The following HS3ST4 variants were observed in gnomAD, a reference collection of about 807,000 sequenced individuals.
HS3ST4 encodes heparan sulfate glucosamine 3-O-sulfotransferase 4.
A neutral mutation model predicts 29.2 loss-of-function variants in HS3ST4; 17 were observed. The ratio of observed to expected loss-of-function variants is 0.58; its 90% CI spans 0.40 to 0.87. HS3ST4 has a LOEUF of 0.87. HS3ST4 is among the 40% of genes least tolerant of loss of function. The pLI is 0.00. For synonymous variants in HS3ST4, 314 were observed against 285.7 expected, an observed-to-expected ratio of 1.10 and a Z score of -1.00; for missense variants, 627 against 634.5, an observed-to-expected ratio of 0.99 and a Z score of 0.13.
chr16:26,121,855 C>G (rs1223872097), intron 1 of HS3ST4, among the ~76,000 whole-genome samples: 1 of 152,210 alleles, frequency 6.6e-6, no homozygotes, highest in Non-Finnish European at 1.5e-5. Context: ...CAGAGGGGCA[C>G]TCTTTGAGTG....
chr16:26,018,878 T>G (rs576817190), intron 1 of HS3ST4, among the ~76,000 whole-genome samples: 7 of 151,842 alleles, frequency 4.6e-5, no homozygotes, highest in African/African-American at 1.7e-4. Flanking sequence ...ACAAACTGGC[T>G]GAAGCTAAGT....
intron 1 of HS3ST4, among the ~76,000 whole-genome samples, chr16:26,073,893 TACCA>T (rs1898630014): frequency 6.6e-6 from 1 of 152,216 alleles, no homozygotes; most frequent in Non-Finnish European, 1.5e-5. Flanking sequence ...CCTCTCGGGT[TACCA>T]CAGGACTGAA....
intron 1 of HS3ST4, among the ~76,000 whole-genome samples, chr16:25,933,053 G>T (rs1968481719): frequency 1.3e-5 from 2 of 152,090 alleles, no homozygotes; most frequent in South Asian, 4.2e-4. Context: ...TTTTGCCAGA[G>T]AGACTTGGGG....
intron 1 of HS3ST4, among the ~76,000 whole-genome samples, chr16:25,773,924 T>C (rs1043509778): frequency 6.6e-6 from 1 of 152,098 alleles, no homozygotes; most frequent in African/African-American, 2.4e-5. Context: ...CCTAAACCCT[T>C]GATGAATCTG....
intron 1 of HS3ST4, among the ~76,000 whole-genome samples, chr16:25,838,164 T>C (rs1291635022): frequency 6.6e-6 from 1 of 152,236 alleles, no homozygotes; most frequent in East Asian, 1.9e-4. Context: ...TAGAGAAATA[T>C]GCTGGAATCG....
At chr16:25,928,224 G>A (rs1258254549) in intron 1 of HS3ST4, among the ~76,000 whole-genome samples, 1 of 151,264 alleles carries the variant, frequency 6.6e-6, no homozygotes, top group Non-Finnish European at 1.5e-5. Flanking sequence ...ATTTAGCCAG[G>A]CATTGTGGCC....
chr16:25,888,791 A>G (rs761752686), intron 1 of HS3ST4, among the ~76,000 whole-genome samples: 11 of 152,238 alleles, frequency 7.2e-5, no homozygotes, highest in Non-Finnish European at 1.0e-4. Context: ...CACAACAACA[A>G]CAAAACAACA....
At chr16:25,808,273 G>A (rs1967007886) in intron 1 of HS3ST4, among the ~76,000 whole-genome samples, 1 of 152,128 alleles carries the variant, frequency 6.6e-6, no homozygotes, top group Non-Finnish European at 1.5e-5. Context: ...TTACATTTAA[G>A]TGCACAATCC....
chr16:25,778,732 AAGG>A (rs1966849964), intron 1 of HS3ST4, among the ~76,000 whole-genome samples: 1 of 151,660 alleles, frequency 6.6e-6, no homozygotes, highest in South Asian at 2.2e-4. Flanking sequence ...GAAGGAGGAG[AAGG>A]AGAAGGAGGA....
At chr16:25,882,232 C>T (rs1355576794) in intron 1 of HS3ST4, among the ~76,000 whole-genome samples, 1 of 152,192 alleles carries the variant, frequency 6.6e-6, no homozygotes, top group Non-Finnish European at 1.5e-5. Context: ...GAAGCCTCCT[C>T]CAGCCCTTCT....
chr16:25,746,461 A>C (rs1851763559), intron 1 of HS3ST4, among the ~76,000 whole-genome samples: 1 of 152,164 alleles, frequency 6.6e-6, no homozygotes, highest in Non-Finnish European at 1.5e-5. Flanking sequence ...AGAGGAAGAA[A>C]GAGTTACAAG....
chr16:25,729,669 C>T (rs1022047925), intron 1 of HS3ST4, among the ~76,000 whole-genome samples: 3 of 152,200 alleles, frequency 2.0e-5, no homozygotes, highest in African/African-American at 7.2e-5. Flanking sequence ...GACTTCTTTT[C>T]CCTGAGTTAT....
chr16:25,904,147 G>GATGA (rs1968154074), intron 1 of HS3ST4, among the ~76,000 whole-genome samples: 3 of 91,976 alleles, frequency 3.3e-5, no homozygotes, highest in African/African-American at 5.2e-5. Context: ...TGGATGGATG[G>GATGA]ATGGATGAAT....
intron 1 of HS3ST4, among the ~76,000 whole-genome samples, chr16:25,946,947 C>T (rs1472103029): frequency 6.6e-6 from 1 of 152,066 alleles, no homozygotes; most frequent in African/African-American, 2.4e-5. Flanking sequence ...AGCATAACAC[C>T]CAATGTCCCA....
intron 1 of HS3ST4, among the ~76,000 whole-genome samples, chr16:26,054,348 C>T (rs1898382682): frequency 6.6e-6 from 1 of 150,832 alleles, no homozygotes; most frequent in Admixed American, 6.6e-5. Context: ...AAGAAGAATG[C>T]ATTAAGATTC....
At chr16:25,856,648 TA>T (rs759951952) in intron 1 of HS3ST4, among the ~76,000 whole-genome samples, 1 of 152,018 alleles carries the variant, frequency 6.6e-6, no homozygotes, top group Admixed American at 6.6e-5. Context: ...GATAATGAGC[TA>T]AAAAAAATCA....
At chr16:25,769,603 C>G (rs1261937492) in intron 1 of HS3ST4, among the ~76,000 whole-genome samples, 4 of 152,172 alleles carry the variant, frequency 2.6e-5, no homozygotes, top group African/African-American at 9.7e-5. Flanking sequence ...TCTGTTCCGG[C>G]ACCAGCACCC....
chr16:25,827,411 G>A (rs763693857), intron 1 of HS3ST4, among the ~76,000 whole-genome samples: 6 of 151,994 alleles, frequency 3.9e-5, no homozygotes, highest in Non-Finnish European at 7.4e-5. Context: ...GGTGGGACAG[G>A]GAAGGCCACA....
intron 1 of HS3ST4, among the ~76,000 whole-genome samples, chr16:25,790,971 C>T (rs752059951): frequency 6.6e-6 from 1 of 151,980 alleles, no homozygotes; most frequent in Non-Finnish European, 1.5e-5. Flanking sequence ...AAGACTTTAT[C>T]TCAAGGTTTT....
Sources: gnomAD v4.1 joint callset for allele counts (sites outside exome capture counted in the v4.1 genomes callset) on GRCh38, gnomAD v4.1.1 for gene constraint, MANE v1.5 for transcripts, NCBI Gene and HGNC (gene_info 2026-07-23, HGNC 2026-07-21) for gene names.